The following CLSTN2 variants were observed in gnomAD, a reference collection of about 807,000 sequenced individuals.
The protein encoded by CLSTN2 is calsyntenin 2, also known as calsyntenin-2.
CLSTN2 carries 48 observed loss-of-function variants against 101.2 expected under a neutral mutation model. The observed-to-expected ratio is 0.47, with a 90% confidence interval of 0.38 to 0.60. CLSTN2 has a LOEUF of 0.60. Among genes scored for constraint, CLSTN2 ranks in the 20% least tolerant of loss-of-function variants. The pLI is 0.00. For synonymous variants in CLSTN2, 481 were observed against 463.6 expected, an observed-to-expected ratio of 1.04 and a Z score of -0.48; for missense variants, 1,160 against 1,238.2, an observed-to-expected ratio of 0.94 and a Z score of 0.95.
chr3:140,429,383 G>A (rs569874676), intron 5 of CLSTN2, among the ~76,000 whole-genome samples: 1 of 152,258 alleles, frequency 6.6e-6, no homozygotes, highest in East Asian at 1.9e-4. Context: ...GACCAGGCAG[G>A]AGCCCCAGGG....
intron 1 of CLSTN2, among the ~76,000 whole-genome samples, chr3:140,041,507 G>T (rs182805603): frequency 2.8e-4 from 43 of 152,306 alleles, no homozygotes; most frequent in African/African-American, 9.9e-4. Context: ...ATGGAGAGGG[G>T]TAGGTGGTGG....
At position 140,400,311 on chromosome 3, in the gene CLSTN2, T is replaced by C. The variant is rs138052352; in HGVS notation, c.233-3318T>C. ...ATGCAAATGGGGCAGCAAGACGTGG[T>C]GGACATGCGTATTGCAGCCTTCTCC... is the stretch of plus-strand genomic sequence containing the variant. On this transcript the variant is annotated intron_variant, in intron 2 of 16. Transcript: ENST00000458420. Among the ~76,000 whole-genome samples the C allele has an allele frequency of 4.7e-3, 719 of 152,236 alleles. 8 individuals are homozygous for C. Among genetic ancestry groups the C allele is most frequent in the African/African-American group, 0.017 (694 of 41,486 alleles).
chr3:140,248,222 T>C (rs2086532647), intron 2 of CLSTN2, among the ~76,000 whole-genome samples: 1 of 152,110 alleles, frequency 6.6e-6, no homozygotes, highest in African/African-American at 2.4e-5. Context: ...CACAGAATAA[T>C]AGGATATAGG....
chr3:140,077,117 G>C (rs1292976326), intron 1 of CLSTN2, among the ~76,000 whole-genome samples: 1 of 152,206 alleles, frequency 6.6e-6, no homozygotes, highest in Non-Finnish European at 1.5e-5. Context: ...GCATGTAGAA[G>C]TTATTAGAAA....
chr3:140,358,350 C>G (rs976261050), intron 2 of CLSTN2, among the ~76,000 whole-genome samples: 3 of 152,172 alleles, frequency 2.0e-5, no homozygotes, highest in Admixed American at 2.0e-4. Context: ...AGCTGGTGAC[C>G]TTGGGAAAGA....
intron 1 of CLSTN2, among the ~76,000 whole-genome samples, chr3:140,015,788 A>G (rs1178519835): frequency 6.6e-6 from 1 of 152,248 alleles, no homozygotes; most frequent in Non-Finnish European, 1.5e-5. Flanking sequence ...TGATTATGGC[A>G]GACTGTTCTG....
intron 1 of CLSTN2, among the ~76,000 whole-genome samples, chr3:140,082,437 C>T (rs576939889): frequency 6.6e-6 from 1 of 152,272 alleles, no homozygotes; most frequent in East Asian, 1.9e-4. Context: ...GACAGGCCAA[C>T]AAGGTTGGCA....
intron 2 of CLSTN2, among the ~76,000 whole-genome samples, chr3:140,362,737 T>A (rs2087742504): frequency 6.6e-6 from 1 of 152,178 alleles, no homozygotes; most frequent in Admixed American, 6.5e-5. Flanking sequence ...TAATTAGTCA[T>A]TAGGGAAATG....
chr3:140,068,188 G>A (rs1055510842), intron 1 of CLSTN2, among the ~76,000 whole-genome samples: 1 of 152,226 alleles, frequency 6.6e-6, no homozygotes, highest in Admixed American at 6.5e-5. Context: ...TTTCTCTGGG[G>A]ACACATTGCA....
chr3:140,089,814 G>A (rs1264201127), intron 1 of CLSTN2, among the ~76,000 whole-genome samples: 1 of 151,388 alleles, frequency 6.6e-6, no homozygotes, highest in East Asian at 1.9e-4. Context: ...GTTTTACCAT[G>A]TTGCCCAGGC....
At chr3:140,459,810 C>A in intron 7 of CLSTN2, 41 bp downstream of exon 7, 4 of 1,607,058 alleles carry the variant, frequency 2.5e-6, no homozygotes, top group Non-Finnish European at 3.4e-6. Flanking sequence ...CCTACCCCAG[C>A]AGCTGCCCAT....
At chr3:140,131,427 C>G (rs551904123) in intron 1 of CLSTN2, among the ~76,000 whole-genome samples, 1 of 151,870 alleles carries the variant, frequency 6.6e-6, no homozygotes, top group African/African-American at 2.4e-5. Flanking sequence ...ACAAATTATG[C>G]GTGTGTTGAA....
At chr3:140,123,877 A>G (rs1400292333) in intron 1 of CLSTN2, among the ~76,000 whole-genome samples, 1 of 151,908 alleles carries the variant, frequency 6.6e-6, no homozygotes, top group Non-Finnish European at 1.5e-5. Flanking sequence ...TCTTCTATTT[A>G]TAAAGCCACT....
rs938540156 is a variant in CLSTN2 at position 140,571,540 on chromosome 3, G to T, written c.*5287G>T. 6 of 152,172 alleles carry T rather than the reference G, an allele frequency of 3.9e-5. No individual in the cohort carries two copies. Among genetic ancestry groups the T allele is most frequent in the African/African-American group, 1.2e-4 (5 of 41,454 alleles). The allele number at this position is 152,172 out of a possible 1,614,324, so 9.4% of individuals were successfully genotyped here. A position where few individuals can be genotyped will look rare whatever the true frequency, so the allele number is the denominator to read the frequency against. On this transcript the variant is annotated 3_prime_UTR_variant, in exon 17 of 17. Transcript: ENST00000458420. The stretch of plus-strand genomic sequence containing the variant: ...CAATGTACTCTGGCAGGCTATGAAT[G>T]GTACAGGATTCTGCATCTATATGAG...
chr3:140,225,167 C>T (rs1483733121), intron 2 of CLSTN2, among the ~76,000 whole-genome samples: 1 of 152,178 alleles, frequency 6.6e-6, no homozygotes, highest in Non-Finnish European at 1.5e-5. Flanking sequence ...GGCAGACTCT[C>T]CACCCTTCCC....
chr3:140,329,438 T>C (rs1199240014), intron 2 of CLSTN2, among the ~76,000 whole-genome samples: 1 of 152,178 alleles, frequency 6.6e-6, no homozygotes, highest in Non-Finnish European at 1.5e-5. Context: ...GACTTTGTGT[T>C]TGATGGGGCA....
intron 1 of CLSTN2, among the ~76,000 whole-genome samples, chr3:140,133,503 C>G (rs1185113406): frequency 2.0e-5 from 3 of 152,196 alleles, no homozygotes; most frequent in Non-Finnish European, 4.4e-5. Context: ...AACCTGGAAG[C>G]AGTTGGCACT....
At chr3:140,021,352 T>C (rs1375787332) in intron 1 of CLSTN2, among the ~76,000 whole-genome samples, 3 of 152,192 alleles carry the variant, frequency 2.0e-5, no homozygotes, top group Admixed American at 1.3e-4. Flanking sequence ...TAATGGCAGT[T>C]ATGTGCCAGT....
intron 1 of CLSTN2, among the ~76,000 whole-genome samples, chr3:140,042,654 C>A (rs1386817487): frequency 6.6e-6 from 1 of 152,128 alleles, no homozygotes; most frequent in Non-Finnish European, 1.5e-5. Context: ...GGTATATCTC[C>A]TAATGCTATC....
Sources: gnomAD v4.1 joint callset for allele counts (sites outside exome capture counted in the v4.1 genomes callset) on GRCh38, gnomAD v4.1.1 for gene constraint, MANE v1.5 for transcripts, NCBI Gene and HGNC (gene_info 2026-07-23, HGNC 2026-07-21) for gene names.